AGO4: variants seen among roughly 807,000 people sequenced by gnomAD.
AGO4 encodes the protein protein argonaute-4.
A neutral mutation model predicts 104.7 loss-of-function variants in AGO4; 33 were observed. That is an observed-to-expected ratio of 0.32 (90% CI 0.24 to 0.42). The LOEUF (loss-of-function observed/expected upper bound fraction) is 0.42. Among genes scored for constraint, AGO4 ranks in the 10% least tolerant of loss-of-function variants. The probability of loss-of-function intolerance (pLI) is 1.00; values close to 1 mark genes in which losing one functional copy is unlikely to be tolerated. For missense variants in AGO4, 711 were observed against 1,083.4 expected (o/e 0.66, Z 4.83); for synonymous variants, 331 against 364.7 (o/e 0.91, Z 1.05).
At chr1:35,821,761 C>G (rs1045092514) in intron 2 of AGO4, among the ~76,000 whole-genome samples, 1 of 152,100 alleles carries the variant, frequency 6.6e-6, no homozygotes, top group Non-Finnish European at 1.5e-5. Context: ...AGACGGTATA[C>G]AGAATAATAA....
chr1:35,812,517 G>A (rs1017745181), intron 1 of AGO4, among the ~76,000 whole-genome samples: 2 of 152,154 alleles, frequency 1.3e-5, no homozygotes, highest in South Asian at 2.1e-4. Flanking sequence ...ACTCAAAGTC[G>A]TATGTCCTTA....
chr1:35,809,550 C>G (rs1361602757), intron 1 of AGO4, among the ~76,000 whole-genome samples: 1 of 152,116 alleles, frequency 6.6e-6, no homozygotes, highest in Non-Finnish European at 1.5e-5. Flanking sequence ...TGTTTAAAGG[C>G]CCTCATAATC....
chr1:35,816,268 T>C (rs1643690967), intron 1 of AGO4, among the ~76,000 whole-genome samples: 1 of 152,334 alleles, frequency 6.6e-6, no homozygotes, highest in East Asian at 1.9e-4. Flanking sequence ...AGTCTAGCTA[T>C]AGAGCTTTAC....
At chr1:35,819,233 G>A (rs144070329) in intron 2 of AGO4, among the ~76,000 whole-genome samples, 20 of 152,248 alleles carry the variant, frequency 1.3e-4, no homozygotes, top group African/African-American at 4.1e-4. Flanking sequence ...TGCAAGAGAA[G>A]CAGAAGCAGG....
intron 7 of AGO4, among the ~76,000 whole-genome samples, chr1:35,828,611 C>T (rs1458718282): frequency 6.6e-6 from 1 of 152,076 alleles, no homozygotes; most frequent in African/African-American, 2.4e-5. Context: ...CCTCCACCTC[C>T]CCGGTTCAAG....
chr1:35,840,630 C>G lies in AGO4; in HGVS notation c.1725-535C>G, dbSNP rs183335723. 2.8e-3 allele frequency among the ~76,000 whole-genome samples: 433 copies of G among 152,306 alleles called. 3 individuals are homozygous for G. The highest frequency in any genetic ancestry group is 7.5e-3 in the Admixed American group (115 of 15,286). ...CTTTTTTTAAAGACAAGGTCTTACT[C>G]TGTCACCCAGGCTGGAGTACAGTGA... On this transcript the variant is annotated intron_variant, in intron 13 of 17. Coordinates refer to ENST00000373210, the MANE Select transcript of AGO4 (RefSeq NM_017629.4).
Position 35,822,855 on chromosome 1 carries a change from T to C in AGO4, c.186-7T>C, listed in dbSNP as rs1252759437. ...AGCTAACTGCCATTATCTCCATTAC[T>C]GTGAAGGGAGGTAGTAGATACAATG... On this transcript the variant is annotated splice_polypyrimidine_tract_variant and splice_region_variant and intron_variant, in intron 2 of 17. Transcript: ENST00000373210. The C allele has an allele frequency of 1.2e-6, 2 of 1,613,994 alleles. No individual in the cohort carries two copies. The highest frequency in any genetic ancestry group is 2.2e-5 in the East Asian group (1 of 44,870).
chr1:35,813,419 AAAAG>A (rs1643573278), intron 1 of AGO4, among the ~76,000 whole-genome samples: 1 of 151,400 alleles, frequency 6.6e-6, no homozygotes, highest in Non-Finnish European at 1.5e-5. Flanking sequence ...AAAAAAAAAA[AAAAG>A]AATACTTTTA....
Position 35,841,676 on chromosome 1 carries a change from C to T in AGO4, c.2101C>T (p.Arg701Trp), listed in dbSNP as rs748927025. ...ATGTATTAGCTTGGAAGAAGATTACCGGCCAGGAATAACTTATATTGTGGT... is the reference window on the plus strand; with the variant it reads ...ATGTATTAGCTTGGAAGAAGATTACTGGCCAGGAATAACTTATATTGTGGT... ...KACISLEEDY[R>W]PGITYIVVQK... Residue 701 changes from arginine to tryptophan, a missense_variant, in exon 15 of 18, where the codon CGG (arginine) becomes TGG (tryptophan). Coordinates refer to ENST00000373210, the MANE Select transcript of AGO4 (RefSeq NM_017629.4). The surrounding 1 kb of genome is among the most constrained non-coding windows in gnomAD (Gnocchi z 4.7). The T allele has an allele frequency of 3.1e-6, 5 of 1,613,820 alleles. No individual in the cohort carries two copies. The highest frequency in any genetic ancestry group is 2.2e-5 in the East Asian group (1 of 44,860).
At chr1:35,818,649 GA>G (rs1196299591) in intron 2 of AGO4, among the ~76,000 whole-genome samples, 6,228 of 113,628 alleles carry the variant, frequency 0.055, 343 homozygotes, top group East Asian at 0.23. Flanking sequence ...AAGAAAGAAA[GA>G]AAGAAAGAAA....
chr1:35,820,666 T>C (rs1438856706), intron 2 of AGO4, among the ~76,000 whole-genome samples: 1 of 152,060 alleles, frequency 6.6e-6, no homozygotes, highest in Admixed American at 6.5e-5. Flanking sequence ...CCAAGAAAGT[T>C]TGATTTTTTT....
chr1:35,824,636 A>G (rs778020869), intron 3 of AGO4, among the ~76,000 whole-genome samples: 7 of 151,032 alleles, frequency 4.6e-5, no homozygotes, highest in Non-Finnish European at 7.4e-5. Context: ...CATCTCTACA[A>G]AAAAAAAATT....
At chr1:35,809,670 A>T (rs1394472538) in intron 1 of AGO4, among the ~76,000 whole-genome samples, 2 of 152,236 alleles carry the variant, frequency 1.3e-5, no homozygotes, top group Non-Finnish European at 2.9e-5. Flanking sequence ...GGCTAAAGAC[A>T]TGCTCAGGTC....
intron 15 of AGO4, among the ~76,000 whole-genome samples, chr1:35,843,726 G>A (rs1162521012): frequency 1.3e-5 from 2 of 151,928 alleles, no homozygotes; most frequent in Non-Finnish European, 2.9e-5. Flanking sequence ...TGACCTCTGG[G>A]CACAAAACCT....
At chr1:35,849,572 C>T (rs921521045) in intron 15 of AGO4, among the ~76,000 whole-genome samples, 6 of 150,424 alleles carry the variant, frequency 4.0e-5, no homozygotes, top group Non-Finnish European at 8.9e-5. Flanking sequence ...CTATAGCCCC[C>T]GCTACTCAGG....
intron 12 of AGO4, among the ~76,000 whole-genome samples, chr1:35,834,896 G>C (rs541379425): frequency 6.6e-6 from 1 of 151,724 alleles, no homozygotes; most frequent in Non-Finnish European, 1.5e-5. Context: ...GGGTTTTGCC[G>C]TGTTGCCCAG....
intron 11 of AGO4, 102 bp from the exon 12 acceptor site, chr1:35,833,888 G>T: frequency 9.5e-7 from 1 of 1,057,186 alleles, no homozygotes; most frequent in Non-Finnish European, 1.3e-6. Context: ...TCTAAATTTG[G>T]CTAAGAATTT....
chr1:35,833,893 G>A, intron 11 of AGO4, 97 bp from the exon 12 acceptor site: 1 of 1,135,206 alleles, frequency 8.8e-7, no homozygotes, highest in Non-Finnish European at 1.2e-6. Flanking sequence ...ATTTGGCTAA[G>A]AATTTACAAA....
At position 35,841,382 on chromosome 1, in the gene AGO4, G is replaced by A. The variant is rs762437201; in HGVS notation, c.1942G>A (p.Val648Ile). 3.1e-6 allele frequency: 5 copies of A among 1,614,142 alleles called. No homozygotes were observed. The highest frequency in any genetic ancestry group is 4.2e-6 in the Non-Finnish European group (5 of 1,180,034). ...GGTCATCCAGGACCTGACTAACATGGTTCGAGAGCTGCTGATTCAGTTCTA... is the reference window on the plus strand; with the variant it reads ...GGTCATCCAGGACCTGACTAACATGATTCGAGAGCTGCTGATTCAGTTCTA... ...QEVIQDLTNM[V>I]RELLIQFYKS... is the part of the protein sequence containing the mutation. Residue 648 changes from valine to isoleucine, a missense_variant, in exon 14 of 18, where the codon GTT becomes ATT. This residue lies in a region of AGO4 where 401 missense variants were observed against 665.5 expected (regional missense o/e 0.60). Transcript: ENST00000373210. The surrounding 1 kb of genome is among the most constrained non-coding windows in gnomAD (Gnocchi z 4.7).
Sources: gnomAD v4.1 joint callset for allele counts (sites outside exome capture counted in the v4.1 genomes callset) on GRCh38, gnomAD v4.1.1 for gene constraint, gnomAD v4.1.1 regional missense constraint, Gnocchi (gnomAD v3.1) non-coding constraint, MANE v1.5 for transcripts, NCBI Gene and HGNC (gene_info 2026-07-23, HGNC 2026-07-21) for gene names.